RBFOX1: variants seen among roughly 807,000 people sequenced by gnomAD.
RBFOX1 encodes the protein RNA binding protein fox-1 homolog 1.
A neutral mutation model predicts 57.7 loss-of-function variants in RBFOX1; 8 were observed. The ratio of observed to expected loss-of-function variants is 0.14; its 90% confidence interval spans 0.08 to 0.25. The LOEUF is 0.25. Ranked by LOEUF, RBFOX1 falls within the 10% of genes least tolerant of loss-of-function variation. The probability of loss-of-function intolerance (pLI) is 1.00; values close to 1 mark genes in which losing one functional copy is unlikely to be tolerated. For missense variants in RBFOX1, 611 were observed against 548.5 expected, an observed-to-expected ratio of 1.11 and a Z score of -1.14; for synonymous variants, 326 against 222.4, an observed-to-expected ratio of 1.47 and a Z score of -4.15.
At chr16:7,615,585 C>A (rs1262726158) in intron 10 of RBFOX1, among the ~76,000 whole-genome samples, 4 of 152,072 alleles carry the variant, frequency 2.6e-5, no homozygotes, top group Non-Finnish European at 5.9e-5. Flanking sequence ...TCATTTTCTA[C>A]CTACAAGCTG....
chr16:6,508,946 C>T (rs182448041), intron 2 of RBFOX1, among the ~76,000 whole-genome samples: 4 of 151,682 alleles, frequency 2.6e-5, no homozygotes. Flanking sequence ...AGGTTGAGAC[C>T]TGGTTTCTCA....
At chr16:5,645,281 A>C (rs965428057) in intron 3 of RBFOX1, among the ~76,000 whole-genome samples, 2 of 151,720 alleles carry the variant, frequency 1.3e-5, no homozygotes, top group African/African-American at 4.9e-5. Flanking sequence ...AAAACAAAAA[A>C]AAAAACATGC....
chr16:5,792,954 G>A (rs943077218), intron 3 of RBFOX1, among the ~76,000 whole-genome samples: 1 of 152,240 alleles, frequency 6.6e-6, no homozygotes, highest in Non-Finnish European at 1.5e-5. Flanking sequence ...CTGAGTAGGA[G>A]GAGGAAGAGA....
chr16:7,083,776 G>A (rs79394593), intron 4 of RBFOX1, among the ~76,000 whole-genome samples: 3 of 152,176 alleles, frequency 2.0e-5, no homozygotes, highest in African/African-American at 7.2e-5. Flanking sequence ...CACCGTGCAT[G>A]GGTCAGTTGT....
At chr16:6,762,519 A>C (rs2076753643) in intron 3 of RBFOX1, among the ~76,000 whole-genome samples, 2 of 152,166 alleles carry the variant, frequency 1.3e-5, no homozygotes, top group African/African-American at 2.4e-5. Context: ...TTACCCCTTT[A>C]CAAGGTATAC....
intron 3 of RBFOX1, among the ~76,000 whole-genome samples, chr16:5,662,251 A>T (rs1193327646): frequency 6.6e-6 from 1 of 152,174 alleles, no homozygotes; most frequent in Non-Finnish European, 1.5e-5. Flanking sequence ...AGTAGTTCTG[A>T]ACCATTTTAA....
At chr16:6,012,869 C>T (rs2094969908) in intron 4 of RBFOX1, among the ~76,000 whole-genome samples, 1 of 152,146 alleles carries the variant, frequency 6.6e-6, no homozygotes, top group Non-Finnish European at 1.5e-5. Flanking sequence ...TTTCCTGTGG[C>T]TTTCACTTGG....
chr16:7,222,999 C>A (rs1293241215), intron 4 of RBFOX1, among the ~76,000 whole-genome samples: 1 of 152,148 alleles, frequency 6.6e-6, no homozygotes, highest in African/African-American at 2.4e-5. Flanking sequence ...CATGGTCAGA[C>A]CCATGAGGCT....
intron 4 of RBFOX1, among the ~76,000 whole-genome samples, chr16:7,163,813 C>T (rs918410809): frequency 2.0e-5 from 3 of 152,078 alleles, no homozygotes; most frequent in Non-Finnish European, 2.9e-5. Flanking sequence ...CATGCCACCA[C>T]ACCCAGCTAA....
intron 4 of RBFOX1, among the ~76,000 whole-genome samples, chr16:7,219,415 C>T (rs1340397172): frequency 6.6e-6 from 1 of 152,094 alleles, no homozygotes; most frequent in African/African-American, 2.4e-5. Context: ...AATTGATGAG[C>T]ATAGTTGAAA....
At chr16:5,436,469 T>C (rs1373231895) in intron 1 of RBFOX1, among the ~76,000 whole-genome samples, 1 of 152,240 alleles carries the variant, frequency 6.6e-6, no homozygotes, top group Non-Finnish European at 1.5e-5. Context: ...TAAGAAGTAC[T>C]TCTCTTGCAG....
chr16:6,282,133 G>A (rs891220283), intron 1 of RBFOX1, among the ~76,000 whole-genome samples: 1 of 152,106 alleles, frequency 6.6e-6, no homozygotes, highest in Non-Finnish European at 1.5e-5. Context: ...TTTTGCAGAA[G>A]CTCTCTTCAT....
At chr16:5,688,052 C>A (rs1320184184) in intron 3 of RBFOX1, among the ~76,000 whole-genome samples, 1 of 152,126 alleles carries the variant, frequency 6.6e-6, no homozygotes, top group South Asian at 2.1e-4. Flanking sequence ...TTGATCCAAC[C>A]AGGTCAAGCT....
At chr16:5,777,274 G>A (rs1056007137) in intron 3 of RBFOX1, among the ~76,000 whole-genome samples, 1 of 152,100 alleles carries the variant, frequency 6.6e-6, no homozygotes, top group Admixed American at 6.5e-5. Context: ...TACCTTCATA[G>A]TCAGCAACAG....
intron 2 of RBFOX1, among the ~76,000 whole-genome samples, chr16:5,516,393 C>G (rs781594348): frequency 2.6e-5 from 4 of 152,096 alleles, no homozygotes; most frequent in Non-Finnish European, 5.9e-5. Context: ...TATTTCTTGT[C>G]TCCCATCACC....
At chr16:6,157,859 A>G (rs1461512346) in intron 1 of RBFOX1, among the ~76,000 whole-genome samples, 1 of 152,168 alleles carries the variant, frequency 6.6e-6, no homozygotes, top group Non-Finnish European at 1.5e-5. Context: ...ATCTTTGTGA[A>G]CTCCAGTGAA....
At chr16:6,274,577 G>A (rs2075587268) in intron 1 of RBFOX1, among the ~76,000 whole-genome samples, 1 of 152,166 alleles carries the variant, frequency 6.6e-6, no homozygotes, top group South Asian at 2.1e-4. Context: ...AGGGCAACAT[G>A]AAGGATCTTT....
At chr16:5,575,256 G>A (rs1596322111) in intron 2 of RBFOX1, among the ~76,000 whole-genome samples, 1 of 152,192 alleles carries the variant, frequency 6.6e-6, no homozygotes, top group African/African-American at 2.4e-5. Flanking sequence ...AATGGATGAA[G>A]TTAAAGAAAA....
chr16:5,550,751 C>A (rs1386072), intron 2 of RBFOX1, among the ~76,000 whole-genome samples: 104,860 of 152,040 alleles, frequency 0.69, 36,973 homozygotes, highest in East Asian at 0.87. Flanking sequence ...TTTCTGAATA[C>A]GGACATGAGA....
Sources: allele counts gnomAD v4.1 joint callset (sites outside exome capture counted in the v4.1 genomes callset), GRCh38; gene constraint gnomAD v4.1.1; transcripts MANE v1.5; gene names NCBI Gene and HGNC (gene_info 2026-07-23, HGNC 2026-07-21).